FAM107B: variants seen among roughly 807,000 people sequenced by gnomAD.
The protein encoded by FAM107B is protein FAM107B.
FAM107B carries 21 observed loss-of-function variants against 31.5 expected under a neutral mutation model. That is an observed-to-expected ratio of 0.67 (90% CI 0.47 to 0.96). The LOEUF is 0.96. Among genes scored for constraint, FAM107B ranks in the 40% least tolerant of loss-of-function variants. The probability of loss-of-function intolerance (pLI) is 0.00; values close to 1 mark genes in which losing one functional copy is unlikely to be tolerated. For synonymous variants in FAM107B, 157 were observed against 141.5 expected (o/e 1.11, Z -0.78); for missense variants, 452 against 377.1 (o/e 1.20, Z -1.64).
At chr10:14,757,755 T>C (rs937101010) in intron 1 of FAM107B, among the ~76,000 whole-genome samples, 2 of 152,220 alleles carry the variant, frequency 1.3e-5, no homozygotes, top group African/African-American at 4.8e-5. Flanking sequence ...CAGGGCCTTT[T>C]TCTCATAACG....
At chr10:14,656,711 C>G (rs1854066572) in intron 2 of FAM107B, among the ~76,000 whole-genome samples, 1 of 152,074 alleles carries the variant, frequency 6.6e-6, no homozygotes, top group African/African-American at 2.4e-5. Flanking sequence ...TACAAAGGGC[C>G]AACATTAAAT....
At chr10:14,686,745 G>A (rs1050609049) in intron 1 of FAM107B, among the ~76,000 whole-genome samples, 31 of 152,274 alleles carry the variant, frequency 2.0e-4, no homozygotes, top group Non-Finnish European at 4.0e-4. Flanking sequence ...GTGCCCAAAT[G>A]AACTTAAAAT....
chr10:14,539,774 G>C (rs1847992565), intron 2 of FAM107B, among the ~76,000 whole-genome samples: 2 of 152,160 alleles, frequency 1.3e-5, no homozygotes, highest in Non-Finnish European at 2.9e-5. Context: ...GTCTTGGCAA[G>C]AGGCTGATCC....
chr10:14,660,924 A>G (rs1392041670), intron 2 of FAM107B, among the ~76,000 whole-genome samples: 4 of 152,052 alleles, frequency 2.6e-5, no homozygotes, highest in African/African-American at 7.2e-5. Context: ...GTAACCCCCA[A>G]TGTTGGAGGA....
At chr10:14,719,081 A>C (rs967902350) in intron 1 of FAM107B, among the ~76,000 whole-genome samples, 1 of 152,170 alleles carries the variant, frequency 6.6e-6, no homozygotes, top group Non-Finnish European at 1.5e-5. Flanking sequence ...CATCAAATGC[A>C]CTTAGCTAGT....
chr10:14,581,464 T>C (rs1228467843), intron 2 of FAM107B, among the ~76,000 whole-genome samples: 1 of 152,200 alleles, frequency 6.6e-6, no homozygotes, highest in Non-Finnish European at 1.5e-5. Flanking sequence ...GGCCACCAAA[T>C]GCAGTGGAAA....
intron 2 of FAM107B, among the ~76,000 whole-genome samples, chr10:14,626,912 T>G (rs2131410658): frequency 6.6e-6 from 1 of 152,344 alleles, no homozygotes; most frequent in South Asian, 2.1e-4. Context: ...CCACCTGATC[T>G]GTTTGTACCT....
Position 14,560,000 on chromosome 10 carries a change from T to C in FAM107B, c.470-29485A>G, listed in dbSNP as rs550845985. On this transcript the variant is annotated intron_variant, in intron 2 of 4. Transcript: ENST00000181796. Reference sequence around the variant, plus strand: ...TTCCATTTTCATACAATCTCTGAATTAACAAACGCACAACCCTTGCTTCCC... The same window carrying C: ...TTCCATTTTCATACAATCTCTGAATCAACAAACGCACAACCCTTGCTTCCC... Among the ~76,000 whole-genome samples the C allele has an allele frequency of 1.5e-4, 23 of 152,252 alleles. No homozygotes were observed. The South Asian group carries it at 4.6e-3, about 30-fold the overall frequency.
rs769755769 is a variant in FAM107B, at chr10:14,774,187, G to T, written c.411+66C>A. The T allele has an allele frequency of 5.2e-6, 8 of 1,531,080 alleles. No individual in the cohort carries two copies. In the African/African-American group the frequency reaches 6.9e-5, roughly 13 times the overall value. 94.8% of individuals were successfully genotyped at this position (1,531,080 alleles called of 1,614,324 possible). On this transcript the variant is annotated intron_variant, in intron 1 of 4. Transcript: ENST00000181796. ...AATGAGTTTGTTTGCTGAAACATTCGCCACATGATCCCAACGCTCCTCCAG... is the reference window on the plus strand; with the variant it reads ...AATGAGTTTGTTTGCTGAAACATTCTCCACATGATCCCAACGCTCCTCCAG...
At chr10:14,604,011 C>G (rs11259215) in intron 2 of FAM107B, among the ~76,000 whole-genome samples, 16,154 of 146,896 alleles carry the variant, frequency 0.11, 981 homozygotes, top group East Asian at 0.19. Context: ...CGGCGCCCCC[C>G]GCACGGCCCC....
At chr10:14,727,198 T>G (rs1042778288) in intron 1 of FAM107B, among the ~76,000 whole-genome samples, 20 of 152,112 alleles carry the variant, frequency 1.3e-4, no homozygotes, top group African/African-American at 4.6e-4. Flanking sequence ...TCACTCACTC[T>G]CCCACTGCTC....
chr10:14,533,957 C>T (rs1052816434), intron 2 of FAM107B, among the ~76,000 whole-genome samples: 7 of 152,196 alleles, frequency 4.6e-5, no homozygotes, highest in Non-Finnish European at 1.0e-4. Flanking sequence ...ACTTTTCAGA[C>T]ACTTGTGGCT....
rs1301840887 is a variant in FAM107B at position 14,774,238 on chromosome 10, C to G, written c.411+15G>C. The G allele has an allele frequency of 1.3e-6, 2 of 1,591,410 alleles. No individual in the cohort carries two copies. Among genetic ancestry groups the G allele is most frequent in the East Asian group, 2.2e-5 (1 of 44,554 alleles). The stretch of plus-strand genomic sequence containing the variant: ...CTCCATCCCGTCTATAATCGCAGAG[C>G]GAACACTCACTCACCTTGGGCGTGT... On this transcript the variant is annotated intron_variant, in intron 1 of 4. Transcript: ENST00000181796.
intron 1 of FAM107B, among the ~76,000 whole-genome samples, chr10:14,732,513 G>A (rs1856197592): frequency 6.6e-6 from 1 of 152,028 alleles, no homozygotes; most frequent in Non-Finnish European, 1.5e-5. Flanking sequence ...TATTTTAGAG[G>A]GCTGTTTCGA....
At chr10:14,689,545 G>C (rs11814739) in intron 1 of FAM107B, among the ~76,000 whole-genome samples, 4 of 152,148 alleles carry the variant, frequency 2.6e-5, no homozygotes, top group Admixed American at 6.5e-5. Flanking sequence ...AGGTAAGTAC[G>C]AGGAAGGCTT....
At chr10:14,689,224 A>G (rs1177455271) in intron 1 of FAM107B, among the ~76,000 whole-genome samples, 2 of 151,948 alleles carry the variant, frequency 1.3e-5, no homozygotes, top group Non-Finnish European at 2.9e-5. Context: ...TAAAAAAAAT[A>G]CAAAAATTAG....
intron 2 of FAM107B, among the ~76,000 whole-genome samples, chr10:14,567,061 G>A (rs1363384321): frequency 6.6e-6 from 1 of 152,224 alleles, no homozygotes; most frequent in Non-Finnish European, 1.5e-5. Context: ...GCTGAGGCAG[G>A]AGAATGGTGT....
chr10:14,688,661 G>T (rs1855048396), intron 1 of FAM107B, among the ~76,000 whole-genome samples: 1 of 152,230 alleles, frequency 6.6e-6, no homozygotes, highest in African/African-American at 2.4e-5. Context: ...GCAAAGAGAT[G>T]TTACCTAGAA....
intron 2 of FAM107B, among the ~76,000 whole-genome samples, chr10:14,552,146 T>A (rs1849319063): frequency 6.6e-6 from 1 of 152,208 alleles, no homozygotes; most frequent in Admixed American, 6.5e-5. Flanking sequence ...TTGCCTGTGA[T>A]AACCGGCATG....
Sources: allele counts gnomAD v4.1 joint callset (sites outside exome capture counted in the v4.1 genomes callset), GRCh38; gene constraint gnomAD v4.1.1; transcripts MANE v1.5; gene names NCBI Gene and HGNC (gene_info 2026-07-23, HGNC 2026-07-21).